FBLN7: variants seen among roughly 807,000 people sequenced by gnomAD.
The protein encoded by FBLN7 is fibulin 7.
In FBLN7, 31 loss-of-function variants were observed where a neutral mutation model predicts 44.0. The ratio of observed to expected loss-of-function variants is 0.70; its 90% confidence interval spans 0.53 to 0.95. FBLN7 has a LOEUF of 0.95. Among genes scored for constraint, FBLN7 ranks in the 40% least tolerant of loss-of-function variants. The pLI is 0.00. For synonymous variants in FBLN7, 262 were observed against 253.4 expected (o/e 1.03, Z -0.32); for missense variants, 573 against 618.5 (o/e 0.93, Z 0.78).
chr2:112,196,359 TTTCTTC>T, the FBLN7 span, among the ~76,000 whole-genome samples: 2 of 146,656 alleles, frequency 1.4e-5, no homozygotes, highest in South Asian at 2.1e-4. Flanking sequence ...CCAAAATTAA[TTTCTTC>T]TTCTTCTTCT....
the FBLN7 span, among the ~76,000 whole-genome samples, chr2:112,207,988 CA>C: frequency 6.6e-6 from 1 of 152,222 alleles, no homozygotes; most frequent in Non-Finnish European, 1.5e-5. Context: ...TTGGGCTTTG[CA>C]AGCCATACAT....
At chr2:112,210,908 G>A in the FBLN7 span, among the ~76,000 whole-genome samples, 102 of 152,236 alleles carry the variant, frequency 6.7e-4, 1 homozygote, top group African/African-American at 2.3e-3. Flanking sequence ...AAAGGAATCT[G>A]GGCTGCTTGG....
At chr2:112,170,067 C>A (rs1682373670) in intron 3 of FBLN7, among the ~76,000 whole-genome samples, 2 of 151,822 alleles carry the variant, frequency 1.3e-5, no homozygotes, top group African/African-American at 2.4e-5. Context: ...ATGGTGAAAC[C>A]CCGTCTCTAA....
chr2:112,180,734 C>T (rs1682937886), intron 4 of FBLN7, among the ~76,000 whole-genome samples: 1 of 151,946 alleles, frequency 6.6e-6, no homozygotes, highest in African/African-American at 2.4e-5. Context: ...TCCTGGCTAA[C>T]ATGGTGAAAC....
At chr2:112,233,813 G>A in the FBLN7 span, among the ~76,000 whole-genome samples, 1 of 152,052 alleles carries the variant, frequency 6.6e-6, no homozygotes, top group South Asian at 2.1e-4. Context: ...AGCTTGCAGT[G>A]AGCCGAGAAT....
At chr2:112,221,240 G>C in the FBLN7 span, among the ~76,000 whole-genome samples, 9 of 152,108 alleles carry the variant, frequency 5.9e-5, no homozygotes, top group Non-Finnish European at 1.2e-4. Flanking sequence ...CTGGATAATG[G>C]GGGCAGATTT....
At chr2:112,172,627 C>CTTTTTTTTTTTTTTTTTT (rs35062438) in intron 3 of FBLN7, among the ~76,000 whole-genome samples, 9 of 88,130 alleles carry the variant, frequency 1.0e-4, no homozygotes, top group Admixed American at 1.5e-4. Flanking sequence ...CTTTTTCTTT[C>CTTTTTTTTTTTTTTTTTT]TTTTTTTTTT....
chr2:112,156,572 G>A (rs542236619), intron 1 of FBLN7, among the ~76,000 whole-genome samples: 2 of 152,348 alleles, frequency 1.3e-5, no homozygotes, highest in East Asian at 3.9e-4. Context: ...AGGTTTGGGT[G>A]GCAGGGCTGC....
At chr2:112,141,277 C>G (rs1317710624) in intron 1 of FBLN7, among the ~76,000 whole-genome samples, 2 of 152,222 alleles carry the variant, frequency 1.3e-5, no homozygotes, top group Non-Finnish European at 2.9e-5. Context: ...GAGATGTATT[C>G]AAGGTCACAC....
At chr2:112,207,426 C>G in the FBLN7 span, among the ~76,000 whole-genome samples, 1 of 146,812 alleles carries the variant, frequency 6.8e-6, no homozygotes, top group South Asian at 2.1e-4. Context: ...GAGATTGCAC[C>G]ACTGCACTCT....
chr2:112,160,740 ACACACG>A (rs1457289112), intron 2 of FBLN7, among the ~76,000 whole-genome samples: 5 of 40,910 alleles, frequency 1.2e-4, no homozygotes, highest in Non-Finnish European at 2.0e-4. Context: ...ACGCACACGC[ACACACG>A]CGCACGCACA....
At chr2:112,233,165 G>T in the FBLN7 span, 1 of 705,316 alleles carries the variant, frequency 1.4e-6, no homozygotes, top group Non-Finnish European at 2.3e-6. Context: ...TATCATTTTG[G>T]TATACCTAAA....
the FBLN7 span, chr2:112,238,539 A>C: frequency 1.3e-6 from 2 of 1,583,904 alleles, no homozygotes; most frequent in Non-Finnish European, 1.7e-6. Context: ...CTAAGTAAAA[A>C]TTAAAACTTC....
intron 4 of FBLN7, among the ~76,000 whole-genome samples, chr2:112,179,649 A>G (rs1682890108): frequency 6.6e-6 from 1 of 152,254 alleles, no homozygotes; most frequent in African/African-American, 2.4e-5. Flanking sequence ...ACAGGCACGT[A>G]GACCAATGGA....
chr2:112,141,025 G>A (rs939879946), intron 1 of FBLN7, among the ~76,000 whole-genome samples: 1 of 152,218 alleles, frequency 6.6e-6, no homozygotes, highest in Non-Finnish European at 1.5e-5. Flanking sequence ...CCGAGTCCGG[G>A]ACCCACATCC....
intron 1 of FBLN7, among the ~76,000 whole-genome samples, chr2:112,140,429 G>T (rs907413225): frequency 6.6e-6 from 1 of 152,164 alleles, no homozygotes; most frequent in Non-Finnish European, 1.5e-5. Context: ...GGATGCCTGG[G>T]TTGAGAGCTC....
intron 1 of FBLN7, among the ~76,000 whole-genome samples, chr2:112,141,838 C>A (rs1680664470): frequency 6.6e-6 from 1 of 152,162 alleles, no homozygotes; most frequent in Non-Finnish European, 1.5e-5. Flanking sequence ...CCAGGTGAGA[C>A]CGAAGCACTT....
At chr2:112,206,403 T>A in the FBLN7 span, among the ~76,000 whole-genome samples, 1 of 152,166 alleles carries the variant, frequency 6.6e-6, no homozygotes, top group African/African-American at 2.4e-5. Context: ...CTGTTTACAG[T>A]TTCATTGATC....
At chr2:112,238,360 G>A in the FBLN7 span, 1 of 1,613,644 alleles carries the variant, frequency 6.2e-7, no homozygotes, top group Non-Finnish European at 8.5e-7. Context: ...GATTCTTCAG[G>A]TTGAGCAGCA....
Sources: gnomAD v4.1 joint callset for allele counts (sites outside exome capture counted in the v4.1 genomes callset) on GRCh38, gnomAD v4.1.1 for gene constraint, MANE v1.5 for transcripts, NCBI Gene and HGNC (gene_info 2026-07-23, HGNC 2026-07-21) for gene names.